TNS1: variants seen among roughly 807,000 people sequenced by gnomAD.
TNS1 encodes tensin 1, also known as tensin-1.
A neutral mutation model predicts 168.6 loss-of-function variants in TNS1; 62 were observed. That is an observed-to-expected ratio of 0.37 (90% CI 0.30 to 0.45). The LOEUF (loss-of-function observed/expected upper bound fraction) is 0.45. Ranked by LOEUF, TNS1 falls within the 20% of genes least tolerant of loss-of-function variation. The probability of loss-of-function intolerance (pLI) is 1.00; values close to 1 mark genes in which losing one functional copy is unlikely to be tolerated. For synonymous variants in TNS1, 934 were observed against 933.2 expected, an observed-to-expected ratio of 1.00 and a Z score of -0.02; for missense variants, 2,240 against 2,339.4, an observed-to-expected ratio of 0.96 and a Z score of 0.88.
At chr2:217,997,987 C>T (rs1958501024) in intron 1 of TNS1, among the ~76,000 whole-genome samples, 3 of 152,198 alleles carry the variant, frequency 2.0e-5, no homozygotes, top group South Asian at 4.1e-4. Flanking sequence ...ATGAACCAGC[C>T]CTCAGAAGAA....
chr2:217,826,180 C>T (rs1466844899), intron 22 of TNS1, among the ~76,000 whole-genome samples: 2 of 152,118 alleles, frequency 1.3e-5, no homozygotes, highest in South Asian at 2.1e-4. Context: ...TGAACGAAGC[C>T]CTTCCATACA....
At chr2:217,942,741 A>T (rs1956976430) in intron 3 of TNS1, among the ~76,000 whole-genome samples, 1 of 151,922 alleles carries the variant, frequency 6.6e-6, no homozygotes, top group South Asian at 2.1e-4. Context: ...CCTAGTTTCC[A>T]GGTCCCCCTC....
intron 12 of TNS1, among the ~76,000 whole-genome samples, chr2:217,887,189 T>C (rs892935777): frequency 1.3e-5 from 2 of 152,264 alleles, no homozygotes; most frequent in Admixed American, 1.3e-4. Flanking sequence ...CTTCACTTTC[T>C]CTACATCATA....
intron 22 of TNS1, chr2:217,830,278 T>G (rs751693273): frequency 7.1e-6 from 11 of 1,549,460 alleles, no homozygotes; most frequent in Non-Finnish European, 9.7e-6. Flanking sequence ...CGTGGCTCAG[T>G]GTCCCTGGCC....
At chr2:217,903,682 T>C (rs1355968891) in intron 6 of TNS1, 1 of 1,334,538 alleles carries the variant, frequency 7.5e-7, no homozygotes, top group Non-Finnish European at 1.0e-6. Context: ...GTGTCTTACT[T>C]TTCTCACTGT....
chr2:217,966,857 C>A (rs1321984357), intron 3 of TNS1, among the ~76,000 whole-genome samples: 4 of 152,188 alleles, frequency 2.6e-5, no homozygotes, highest in African/African-American at 9.7e-5. Flanking sequence ...ACTCTCAGAC[C>A]CGAGCAGGAA....
intron 18 of TNS1, among the ~76,000 whole-genome samples, chr2:217,860,932 A>G (rs978846479): frequency 6.6e-6 from 1 of 152,122 alleles, no homozygotes; most frequent in South Asian, 2.1e-4. Flanking sequence ...GGGACTAGCT[A>G]TACTAGAAAG....
In TNS1 at chr2:217,991,664, C is replaced by T. The variant is rs564982994; in HGVS notation, c.34-608G>A. ...CTTCTCCTTTGTCTCTGCCGTGCGCCGTCCCATTGTGTAGATGCAGCAGGT... is the reference window on the plus strand; with the variant it reads ...CTTCTCCTTTGTCTCTGCCGTGCGCTGTCCCATTGTGTAGATGCAGCAGGT... On this transcript the variant is annotated intron_variant, in intron 1 of 32. Coordinates refer to ENST00000682258, the MANE Select transcript of TNS1 (RefSeq NM_001387777.1). Among the ~76,000 whole-genome samples the T allele has an allele frequency of 4.6e-5, 7 of 152,184 alleles. No individual in the cohort carries two copies. The East Asian group carries it at 1.2e-3, about 25-fold the overall frequency.
chr2:217,913,261 T>C (rs1278607135), intron 4 of TNS1, among the ~76,000 whole-genome samples: 1 of 152,108 alleles, frequency 6.6e-6, no homozygotes, highest in African/African-American at 2.4e-5. Context: ...AGGGGAGAGT[T>C]ATGTCTGATT....
At chr2:217,970,632 G>A (rs1044000150) in intron 3 of TNS1, among the ~76,000 whole-genome samples, 2 of 152,190 alleles carry the variant, frequency 1.3e-5, no homozygotes, top group Admixed American at 1.3e-4. Context: ...AGCCAGTCTT[G>A]AAGACCACAG....
chr2:217,812,213 G>C (rs1046471386), intron 28 of TNS1, among the ~76,000 whole-genome samples, 155 bp downstream of exon 28: 2 of 152,100 alleles, frequency 1.3e-5, no homozygotes, highest in African/African-American at 2.4e-5. Context: ...TTTTTTAATA[G>C]GAAGAAAAGG....
upstream of TNS1, among the ~76,000 whole-genome samples, chr2:218,007,948 G>A (rs1253679415): frequency 6.6e-6 from 1 of 152,120 alleles, no homozygotes; most frequent in Non-Finnish European, 1.5e-5. Flanking sequence ...ATGGTCTGGG[G>A]GAGGCCCTGC....
rs1001484314 is a variant in TNS1 at position 217,891,187 on chromosome 2, C to A, written c.783-142G>T. ...CTGGAGGGAAGACAAGCCTCTTCCC[C>A]CTGCCATCCTGTGCCGAGAAGCTTT... On this transcript the variant is annotated intron_variant, in intron 11 of 32. Coordinates refer to ENST00000682258, the MANE Select transcript of TNS1 (RefSeq NM_001387777.1). 1.2e-5 allele frequency: 9 copies of A among 728,722 alleles called. No homozygotes were observed. The South Asian group carries it at 1.5e-4, about 12-fold the overall frequency. 45.1% of individuals were successfully genotyped at this position (728,722 alleles called of 1,614,324 possible). A position where few individuals can be genotyped will look rare whatever the true frequency, so the allele number is the denominator to read the frequency against.
chr2:217,884,922 G>T, intron 16 of TNS1, 113 bp downstream of exon 16: 2 of 1,394,316 alleles, frequency 1.4e-6, no homozygotes, highest in Non-Finnish European at 2.0e-6. Flanking sequence ...CCTGAGACTA[G>T]ACAGACCACA....
chr2:217,907,177 C>T (rs1415756438), intron 5 of TNS1, 33 bp downstream of exon 5: 1 of 703,106 alleles, frequency 1.4e-6, no homozygotes, highest in South Asian at 1.5e-5. Flanking sequence ...CCAGGCTGTT[C>T]CAGCTCCCCC....
chr2:217,903,480 GATCACAA>G, intron 6 of TNS1: 2 of 1,300,810 alleles, frequency 1.5e-6, no homozygotes, highest in Non-Finnish European at 2.1e-6. Context: ...CCTCTCCGGG[GATCACAA>G]ATCACCTTAC....
At chr2:217,936,698 G>C (rs1956625782) in intron 3 of TNS1, among the ~76,000 whole-genome samples, 1 of 151,968 alleles carries the variant, frequency 6.6e-6, no homozygotes, top group Admixed American at 6.6e-5. Context: ...TCTTTAACCT[G>C]CCTCAGAATA....
Position 217,829,547 on chromosome 2 carries a change from G to A in TNS1, c.3373+1908C>T, listed in dbSNP as rs1337201595. ...CACCAGGCAGGCTGGTGCAAATGGCGCTGGGAGAGGAAGGTGCAAGAGGAG... is the reference window on the plus strand; with the variant it reads ...CACCAGGCAGGCTGGTGCAAATGGCACTGGGAGAGGAAGGTGCAAGAGGAG... On this transcript the variant is annotated intron_variant, in intron 22 of 32. Coordinates refer to ENST00000682258, the MANE Select transcript of TNS1 (RefSeq NM_001387777.1). Among the ~76,000 whole-genome samples the A allele has an allele frequency of 4.6e-5, 7 of 152,170 alleles. No homozygotes were observed. The East Asian group carries it at 1.2e-3, about 25-fold the overall frequency.
At chr2:217,908,145 CCCT>C (rs1375676596) in intron 4 of TNS1, among the ~76,000 whole-genome samples, 1 of 152,188 alleles carries the variant, frequency 6.6e-6, no homozygotes, top group African/African-American at 2.4e-5. Context: ...TTTGGAAACT[CCCT>C]CCTACCAGGG....
Sources: gnomAD v4.1 joint callset for allele counts (sites outside exome capture counted in the v4.1 genomes callset) on GRCh38, gnomAD v4.1.1 for gene constraint, MANE v1.5 for transcripts, NCBI Gene and HGNC (gene_info 2026-07-23, HGNC 2026-07-21) for gene names.